Variants in TRMT11 observed in about 807,000 individuals in gnomAD.
TRMT11 encodes tRNA methyltransferase 11.
In TRMT11, 53 loss-of-function variants were observed where a neutral mutation model predicts 62.8. The ratio of observed to expected loss-of-function variants is 0.84; its 90% CI spans 0.68 to 1.06. The LOEUF (loss-of-function observed/expected upper bound fraction) is 1.06, where lower values mean the gene tolerates loss of function less well. TRMT11 is among the 50% of genes least tolerant of loss of function. TRMT11 has a pLI of 0.00. For synonymous variants in TRMT11, 188 were observed against 190.3 expected (o/e 0.99, Z 0.10); for missense variants, 556 against 553.4 (o/e 1.00, Z -0.05).
At chr6:126,237,027 G>T in the TRMT11 span, among the ~76,000 whole-genome samples, 1 of 151,582 alleles carries the variant, frequency 6.6e-6, no homozygotes, top group African/African-American at 2.4e-5. Flanking sequence ...GCTATCCATG[G>T]TCTCCTAAAC....
the TRMT11 span, among the ~76,000 whole-genome samples, chr6:126,239,072 T>C: frequency 3.3e-5 from 5 of 152,188 alleles, no homozygotes; most frequent in Non-Finnish European, 7.3e-5. Context: ...TGGTAGATCT[T>C]CCTCCATCCA....
intron 8 of TRMT11, among the ~76,000 whole-genome samples, chr6:126,010,380 G>T (rs549746165): frequency 5.3e-5 from 8 of 151,792 alleles, no homozygotes; most frequent in African/African-American, 1.9e-4. Flanking sequence ...TTTTCCAGGC[G>T]TCTACCTATC....
intron 1 of TRMT11, among the ~76,000 whole-genome samples, chr6:125,990,015 G>C (rs756376982): frequency 1.6e-4 from 25 of 152,098 alleles, no homozygotes; most frequent in Non-Finnish European, 2.9e-4. Context: ...TGTTTTACAT[G>C]ATTATTTTTC....
At chr6:126,256,881 T>TTTG in the TRMT11 span, among the ~76,000 whole-genome samples, 3 of 151,912 alleles carry the variant, frequency 2.0e-5, no homozygotes, top group Non-Finnish European at 2.9e-5. Context: ...TGTTTGTTTG[T>TTTG]TTGTTGTTGT....
intron 8 of TRMT11, chr6:126,008,830 C>A: frequency 3.0e-6 from 1 of 337,928 alleles, no homozygotes; most frequent in Non-Finnish European, 5.4e-6. Flanking sequence ...GAGGAGTGGG[C>A]ACCCCAACCC....
the TRMT11 span, chr6:126,257,874 G>A: frequency 7.5e-7 from 1 of 1,331,788 alleles, no homozygotes; most frequent in Admixed American, 1.7e-5. Context: ...ATGAGGTCGG[G>A]GGGACAGTGA....
At chr6:126,253,090 T>C in the TRMT11 span, among the ~76,000 whole-genome samples, 3 of 144,110 alleles carry the variant, frequency 2.1e-5, no homozygotes, top group Admixed American at 2.2e-4. Context: ...AAAATGTCTT[T>C]GGATTTAATG....
intron 21 of TRMT11, among the ~76,000 whole-genome samples, chr6:126,152,306 T>C (rs1583891109): frequency 6.6e-6 from 1 of 150,626 alleles, no homozygotes; most frequent in South Asian, 2.1e-4. Flanking sequence ...ATCAGCACAG[T>C]TATTACTTTT....
At chr6:126,210,114 G>A in the TRMT11 span, among the ~76,000 whole-genome samples, 2 of 152,196 alleles carry the variant, frequency 1.3e-5, no homozygotes, top group Admixed American at 6.5e-5. Context: ...ATGTGACTTA[G>A]GTCCCTAGTA....
intron 21 of TRMT11, among the ~76,000 whole-genome samples, chr6:126,136,906 A>G (rs1045276577): frequency 2.0e-5 from 3 of 151,472 alleles, no homozygotes; most frequent in African/African-American, 4.8e-5. Flanking sequence ...TCTTTAATAA[A>G]TGATGCTGGG....
intron 21 of TRMT11, among the ~76,000 whole-genome samples, chr6:126,129,783 CTG>C (rs1381861768): frequency 1.4e-4 from 21 of 152,240 alleles, no homozygotes; most frequent in African/African-American, 4.3e-4. Flanking sequence ...GTATTTCCGT[CTG>C]TTCTCAGAAT....
intron 17 of TRMT11, among the ~76,000 whole-genome samples, chr6:126,081,688 A>G (rs1348237804): frequency 1.3e-5 from 2 of 152,158 alleles, no homozygotes; most frequent in African/African-American, 4.8e-5. Context: ...ACATTTGAGT[A>G]TACTACTCCC....
At chr6:126,062,097 G>A (rs933791293) in intron 17 of TRMT11, among the ~76,000 whole-genome samples, 1 of 152,094 alleles carries the variant, frequency 6.6e-6, no homozygotes, top group African/African-American at 2.4e-5. Flanking sequence ...ACTATGTTAG[G>A]CTTGTCTCTA....
intron 17 of TRMT11, among the ~76,000 whole-genome samples, chr6:126,094,814 G>A (rs940193951): frequency 1.6e-4 from 24 of 152,142 alleles, no homozygotes; most frequent in Non-Finnish European, 1.5e-5. Context: ...AGTATATTAT[G>A]TGGAGATTTT....
the TRMT11 span, among the ~76,000 whole-genome samples, chr6:126,246,322 A>G: frequency 6.6e-6 from 1 of 152,230 alleles, no homozygotes; most frequent in African/African-American, 2.4e-5. Context: ...GGGAAATAAT[A>G]TGGTGTAGTA....
intron 1 of TRMT11, among the ~76,000 whole-genome samples, chr6:126,177,778 C>T (rs188774544): frequency 6.5e-4 from 99 of 152,064 alleles, no homozygotes; most frequent in Admixed American, 1.6e-3. Context: ...AAAAATTGCA[C>T]GATTTTTTCA....
chr6:126,168,848 C>G (rs114835294), intron 21 of TRMT11, among the ~76,000 whole-genome samples: 1 of 152,168 alleles, frequency 6.6e-6, no homozygotes. Flanking sequence ...GTACAAACCA[C>G]TTGTGCTTTA....
At chr6:126,234,348 G>A in the TRMT11 span, among the ~76,000 whole-genome samples, 2 of 151,992 alleles carry the variant, frequency 1.3e-5, no homozygotes, top group African/African-American at 2.4e-5. Context: ...TCACTGCAAG[G>A]TGGAGTTTTA....
intron 21 of TRMT11, among the ~76,000 whole-genome samples, chr6:126,153,132 A>C (rs575466811): frequency 9.8e-5 from 15 of 152,352 alleles, no homozygotes; most frequent in African/African-American, 2.9e-4. Flanking sequence ...CAATAATATT[A>C]TATCTTGGAA....
Sources: gnomAD v4.1 joint callset for allele counts (sites outside exome capture counted in the v4.1 genomes callset) on GRCh38, gnomAD v4.1.1 for gene constraint, MANE v1.5 for transcripts, NCBI Gene and HGNC (gene_info 2026-07-23, HGNC 2026-07-21) for gene names.